CDH13: variants seen among roughly 807,000 people sequenced by gnomAD.
CDH13 encodes the protein cadherin 13, also known as cadherin-13.
In CDH13, 24 loss-of-function variants were observed where a neutral mutation model predicts 63.8. That is an observed-to-expected ratio of 0.38 (90% CI 0.27 to 0.53). The LOEUF (loss-of-function observed/expected upper bound fraction) is 0.53. Among genes scored for constraint, CDH13 ranks in the 20% least tolerant of loss-of-function variants. CDH13 has a pLI of 0.85. For missense variants in CDH13, 1,049 were observed against 903.1 expected, an observed-to-expected ratio of 1.16 and a Z score of -2.07; for synonymous variants, 503 against 355.3, an observed-to-expected ratio of 1.42 and a Z score of -4.67.
Position 82,852,340 on chromosome 16 carries a change from G to A in CDH13, c.46-6022G>A, listed in dbSNP as rs139567820. On this transcript the variant is annotated intron_variant, in intron 1 of 13. Transcript: ENST00000567109. Reference sequence around the variant, plus strand: ...TCTCAGTGACTTTGCACAGCGTTCCGTGGATGTGTCTTGTGGGGCGGTTCT... The same window carrying A: ...TCTCAGTGACTTTGCACAGCGTTCCATGGATGTGTCTTGTGGGGCGGTTCT... 1.3e-3 allele frequency among the ~76,000 whole-genome samples: 195 copies of A among 152,294 alleles called. 1 individual carries two copies. Among genetic ancestry groups the A allele is most frequent in the East Asian group, 5.2e-3 (27 of 5,180 alleles).
chr16:82,952,502 A>C (rs1316920650), intron 2 of CDH13, among the ~76,000 whole-genome samples: 1 of 152,202 alleles, frequency 6.6e-6, no homozygotes, highest in Admixed American at 6.5e-5. Flanking sequence ...AGATCCCTAC[A>C]ATAGGAGAAA....
chr16:83,004,596 C>G (rs1458341637), intron 2 of CDH13, among the ~76,000 whole-genome samples: 1 of 152,120 alleles, frequency 6.6e-6, no homozygotes, highest in Non-Finnish European at 1.5e-5. Context: ...CTCCCAGGTT[C>G]AAGCGATTCT....
At chr16:83,636,564 A>T (rs1911283513) in intron 8 of CDH13, among the ~76,000 whole-genome samples, 1 of 152,184 alleles carries the variant, frequency 6.6e-6, no homozygotes, top group Non-Finnish European at 1.5e-5. Flanking sequence ...GTTCATTAAG[A>T]CAAAAGCCTC....
At chr16:82,910,993 G>C (rs746833494) in intron 2 of CDH13, among the ~76,000 whole-genome samples, 8 of 152,162 alleles carry the variant, frequency 5.3e-5, no homozygotes, top group Non-Finnish European at 1.2e-4. Context: ...GTAGGGTAAT[G>C]ATGCTGAGGT....
chr16:83,029,092 G>A (rs544119111), intron 2 of CDH13, among the ~76,000 whole-genome samples: 1 of 152,308 alleles, frequency 6.6e-6, no homozygotes, highest in African/African-American at 2.4e-5. Flanking sequence ...ATTAACTAAG[G>A]TGATGTGTGC....
At chr16:83,402,349 G>A (rs115691474) in intron 6 of CDH13, among the ~76,000 whole-genome samples, 2,567 of 152,232 alleles carry the variant, frequency 0.017, 80 homozygotes, top group African/African-American at 0.059. Flanking sequence ...AGGACACAGA[G>A]TGATTCACCT....
chr16:83,426,199 A>G (rs984020948), intron 6 of CDH13, among the ~76,000 whole-genome samples: 1 of 152,100 alleles, frequency 6.6e-6, no homozygotes, highest in Non-Finnish European at 1.5e-5. Flanking sequence ...CACTCCTCCC[A>G]GCCTCTGGGT....
intron 5 of CDH13, among the ~76,000 whole-genome samples, chr16:83,286,924 A>G (rs889727): frequency 1.3e-5 from 2 of 151,570 alleles, no homozygotes; most frequent in Non-Finnish European, 2.9e-5. Flanking sequence ...TTTGATTCCT[A>G]CTTGTCCCCC....
At chr16:82,703,554 G>A (rs1031945980) in intron 1 of CDH13, among the ~76,000 whole-genome samples, 1 of 152,158 alleles carries the variant, frequency 6.6e-6, no homozygotes, top group African/African-American at 2.4e-5. Flanking sequence ...GTGGTACCTG[G>A]ACTGATAATG....
At chr16:83,468,495 C>T (rs116664651) in intron 6 of CDH13, among the ~76,000 whole-genome samples, 2 of 152,276 alleles carry the variant, frequency 1.3e-5, no homozygotes, top group African/African-American at 4.8e-5. Context: ...CCACCCAGTT[C>T]GTGGTATTTG....
chr16:82,627,412 C>G (rs1190069523), intron 1 of CDH13, among the ~76,000 whole-genome samples: 1 of 147,130 alleles, frequency 6.8e-6, no homozygotes, highest in Non-Finnish European at 1.5e-5. Flanking sequence ...GAGAGAGCTC[C>G]CAGTCCTTTT....
chr16:83,605,212 C>G (rs1359543239), intron 8 of CDH13, among the ~76,000 whole-genome samples: 1 of 152,154 alleles, frequency 6.6e-6, no homozygotes, highest in Non-Finnish European at 1.5e-5. Context: ...TACCTAAACT[C>G]ATAAAGAGAG....
intron 5 of CDH13, among the ~76,000 whole-genome samples, chr16:83,230,697 G>T (rs556027326): frequency 1.3e-5 from 2 of 152,312 alleles, no homozygotes; most frequent in South Asian, 4.1e-4. Flanking sequence ...TGAGGCAGGA[G>T]AATCGTTTGA....
At chr16:82,779,751 T>C (rs991758283) in intron 1 of CDH13, among the ~76,000 whole-genome samples, 6 of 152,142 alleles carry the variant, frequency 3.9e-5, no homozygotes, top group African/African-American at 1.4e-4. Context: ...GTCTGTGCTG[T>C]GTGAATATAC....
At chr16:83,541,828 G>T (rs988400858) in intron 7 of CDH13, among the ~76,000 whole-genome samples, 4 of 152,224 alleles carry the variant, frequency 2.6e-5, no homozygotes, top group African/African-American at 7.2e-5. Context: ...GTAAAGTAAG[G>T]TCTTCTCCTA....
At chr16:83,096,974 G>T (rs2034235092) in intron 3 of CDH13, among the ~76,000 whole-genome samples, 1 of 151,836 alleles carries the variant, frequency 6.6e-6, no homozygotes, top group Non-Finnish European at 1.5e-5. Flanking sequence ...AAAATATCTT[G>T]GTCCTGTCCT....
chr16:83,521,910 A>G (rs1019889536), intron 7 of CDH13, among the ~76,000 whole-genome samples: 1 of 152,244 alleles, frequency 6.6e-6, no homozygotes, highest in Non-Finnish European at 1.5e-5. Context: ...AGGTCGTTGA[A>G]GTTTAAATGA....
At chr16:83,125,633 T>A (rs1240185135) in intron 4 of CDH13, 132 bp downstream of exon 4, 1 of 552,432 alleles carries the variant, frequency 1.8e-6, no homozygotes, top group Non-Finnish European at 3.3e-6. Flanking sequence ...CCAAATGGTT[T>A]AGTCATGAAA....
chr16:83,186,057 A>G (rs978850240), intron 4 of CDH13, among the ~76,000 whole-genome samples: 19 of 150,184 alleles, frequency 1.3e-4, no homozygotes, highest in African/African-American at 4.6e-4. Context: ...CTCTTTTAAA[A>G]TTGTATTATT....
Sources: gnomAD v4.1 joint callset for allele counts (sites outside exome capture counted in the v4.1 genomes callset) on GRCh38, gnomAD v4.1.1 for gene constraint, MANE v1.5 for transcripts, NCBI Gene and HGNC (gene_info 2026-07-23, HGNC 2026-07-21) for gene names.